The following ERC2 variants were observed in gnomAD, a reference collection of about 807,000 sequenced individuals.
ERC2 encodes the protein ELKS/RAB6-interacting/CAST family member 2, also known as ERC protein 2.
A neutral mutation model predicts 114.8 loss-of-function variants in ERC2; 42 were observed. That is an observed-to-expected ratio of 0.37 (90% CI 0.29 to 0.47). The LOEUF is 0.47. Among genes scored for constraint, ERC2 ranks in the 20% least tolerant of loss-of-function variants. The pLI is 0.99. For missense variants in ERC2, 939 were observed against 1,150.7 expected (o/e 0.82, Z 2.66); for synonymous variants, 454 against 425.5 (o/e 1.07, Z -0.82).
At chr3:56,375,983 C>A (rs1177123424) in intron 2 of ERC2, among the ~76,000 whole-genome samples, 4 of 152,124 alleles carry the variant, frequency 2.6e-5, no homozygotes, top group Admixed American at 2.6e-4. Flanking sequence ...TGCCCTCAGT[C>A]CAATAGCCCA....
chr3:56,259,759 C>T (rs1270440452), intron 3 of ERC2, among the ~76,000 whole-genome samples: 1 of 152,076 alleles, frequency 6.6e-6, no homozygotes, highest in Non-Finnish European at 1.5e-5. Context: ...TGCCCAGAAG[C>T]CTTGCTTTTT....
chr3:55,573,306 G>A (rs966678510), intron 17 of ERC2, among the ~76,000 whole-genome samples: 3 of 152,210 alleles, frequency 2.0e-5, no homozygotes, highest in African/African-American at 7.2e-5. Flanking sequence ...GTTTTACGGG[G>A]TTATTTGAGA....
At chr3:55,580,962 C>T (rs2057231530) in intron 17 of ERC2, among the ~76,000 whole-genome samples, 1 of 152,108 alleles carries the variant, frequency 6.6e-6, no homozygotes, top group Non-Finnish European at 1.5e-5. Flanking sequence ...TGAACGAAGG[C>T]TTGAATGAGG....
intron 2 of ERC2, among the ~76,000 whole-genome samples, chr3:56,405,081 T>C (rs1213916996): frequency 6.6e-6 from 1 of 151,972 alleles, no homozygotes; most frequent in Non-Finnish European, 1.5e-5. Flanking sequence ...GTAAAGGATG[T>C]GTGGGGAGAA....
At chr3:56,417,370 T>C (rs2061208960) in intron 2 of ERC2, among the ~76,000 whole-genome samples, 1 of 152,112 alleles carries the variant, frequency 6.6e-6, no homozygotes, top group South Asian at 2.1e-4. Context: ...GTAATGTGAG[T>C]CTTTCCTTTT....
intron 5 of ERC2, 51 bp from the exon 6 acceptor site, chr3:56,139,727 C>G (rs1274741851): frequency 6.5e-7 from 1 of 1,528,512 alleles, no homozygotes; most frequent in African/African-American, 1.4e-5. Flanking sequence ...TGCCCCTACA[C>G]TTTACATTGG....
At chr3:56,156,855 C>A (rs1305995192) in intron 4 of ERC2, among the ~76,000 whole-genome samples, 1 of 151,958 alleles carries the variant, frequency 6.6e-6, no homozygotes, top group African/African-American at 2.4e-5. Context: ...TTAGTTTCAC[C>A]CAAGGACATT....
At chr3:56,113,163 A>G (rs1267384335) in intron 6 of ERC2, among the ~76,000 whole-genome samples, 1 of 152,144 alleles carries the variant, frequency 6.6e-6, no homozygotes, top group Non-Finnish European at 1.5e-5. Flanking sequence ...ATCAGATTCT[A>G]TATCAGAGCC....
chr3:56,375,950 G>C (rs2059525264), intron 2 of ERC2, among the ~76,000 whole-genome samples: 1 of 152,190 alleles, frequency 6.6e-6, no homozygotes, highest in Non-Finnish European at 1.5e-5. Context: ...AAGACCTCCA[G>C]GTAACAGCCC....
At chr3:55,848,049 G>A (rs895901228) in intron 14 of ERC2, among the ~76,000 whole-genome samples, 2 of 151,816 alleles carry the variant, frequency 1.3e-5, no homozygotes, top group African/African-American at 2.4e-5. Flanking sequence ...TTGCCACCTC[G>A]GCCTCCCAAA....
intron 7 of ERC2, among the ~76,000 whole-genome samples, chr3:56,055,924 T>C (rs779449565): frequency 3.3e-5 from 5 of 152,186 alleles, no homozygotes; most frequent in Non-Finnish European, 7.3e-5. Context: ...CTGAATTTGA[T>C]AGGAGTGTGG....
intron 7 of ERC2, among the ~76,000 whole-genome samples, chr3:56,033,581 ATG>A (rs2074609982): frequency 6.6e-6 from 1 of 152,158 alleles, no homozygotes; most frequent in Non-Finnish European, 1.5e-5. Context: ...ATGAACTTCC[ATG>A]GATTTTGTTT....
intron 17 of ERC2, among the ~76,000 whole-genome samples, chr3:55,607,394 C>G (rs1464359798): frequency 6.6e-6 from 1 of 152,032 alleles, no homozygotes; most frequent in Non-Finnish European, 1.5e-5. Context: ...TCAGCACGTG[C>G]GAGATTCCTG....
chr3:55,951,232 A>T (rs1325332611), intron 12 of ERC2, among the ~76,000 whole-genome samples: 2 of 152,198 alleles, frequency 1.3e-5, no homozygotes, highest in Non-Finnish European at 2.9e-5. Flanking sequence ...TGTTCTAATT[A>T]TTATTATTAT....
At chr3:55,906,195 G>T (rs1382202380) in intron 13 of ERC2, among the ~76,000 whole-genome samples, 1 of 150,990 alleles carries the variant, frequency 6.6e-6, no homozygotes, top group Non-Finnish European at 1.5e-5. Flanking sequence ...TGGCAGGGGG[G>T]GCCGGGCGCG....
intron 15 of ERC2, among the ~76,000 whole-genome samples, chr3:55,719,768 G>A (rs913758213): frequency 1.3e-5 from 2 of 151,924 alleles, no homozygotes; most frequent in African/African-American, 4.8e-5. Context: ...AGAAAGCTCA[G>A]GAACACACAG....
intron 16 of ERC2, among the ~76,000 whole-genome samples, chr3:55,684,252 A>G (rs1181616863): frequency 1.3e-5 from 2 of 152,170 alleles, no homozygotes; most frequent in African/African-American, 4.8e-5. Flanking sequence ...TATAGTAATC[A>G]AATACCCTTA....
At chr3:55,919,598 C>T (rs570506871) in intron 13 of ERC2, among the ~76,000 whole-genome samples, 5 of 152,196 alleles carry the variant, frequency 3.3e-5, no homozygotes, top group East Asian at 3.9e-4. Context: ...TTATCTTCAA[C>T]GAACATGTAT....
At chr3:56,253,046 T>G (rs1468345178) in intron 3 of ERC2, among the ~76,000 whole-genome samples, 1 of 152,190 alleles carries the variant, frequency 6.6e-6, no homozygotes, top group Admixed American at 6.5e-5. Flanking sequence ...AGGTTCCACA[T>G]CTTCTAGGGA....
Sources: allele counts gnomAD v4.1 joint callset (sites outside exome capture counted in the v4.1 genomes callset), GRCh38; gene constraint gnomAD v4.1.1; transcripts MANE v1.5; gene names NCBI Gene and HGNC (gene_info 2026-07-23, HGNC 2026-07-21).